NALF1: variants seen among roughly 807,000 people sequenced by gnomAD.
NALF1 encodes the protein family with sequence similarity 155 member A.
NALF1 carries 3 observed loss-of-function variants against 48.4 expected under a neutral mutation model. That is an observed-to-expected ratio of 0.06 (90% confidence interval 0.03 to 0.16). The LOEUF (loss-of-function observed/expected upper bound fraction) is 0.16, where lower values mean the gene tolerates loss of function less well. Ranked by LOEUF, NALF1 falls within the 10% of genes least tolerant of loss-of-function variation. NALF1 has a pLI of 1.00. For synonymous variants in NALF1, 262 were observed against 245.7 expected (o/e 1.07, Z -0.62); for missense variants, 526 against 571.5 (o/e 0.92, Z 0.81).
chr13:107,693,679 T>C (rs74112565), intron 1 of NALF1, among the ~76,000 whole-genome samples: 2,199 of 152,126 alleles, frequency 0.014, 57 homozygotes, highest in African/African-American at 0.051. Context: ...GCTTATTTAG[T>C]ACTTTCTACT....
At chr13:107,187,795 T>C (rs531777326) in intron 2 of NALF1, among the ~76,000 whole-genome samples, 1 of 152,338 alleles carries the variant, frequency 6.6e-6, no homozygotes, top group African/African-American at 2.4e-5. Flanking sequence ...CTGCTCTTTT[T>C]AGAGCTTACT....
intron 1 of NALF1, among the ~76,000 whole-genome samples, chr13:107,633,134 T>C (rs1349476918): frequency 1.3e-5 from 2 of 152,088 alleles, no homozygotes; most frequent in Non-Finnish European, 2.9e-5. Flanking sequence ...CTGAAGAGCG[T>C]ATTCAGATGA....
chr13:107,285,103 T>G (rs1881467884), intron 1 of NALF1, among the ~76,000 whole-genome samples: 1 of 152,212 alleles, frequency 6.6e-6, no homozygotes, highest in Non-Finnish European at 1.5e-5. Flanking sequence ...ATTATATGTC[T>G]ATGTGTACTT....
At chr13:107,639,526 C>T (rs1418288736) in intron 1 of NALF1, among the ~76,000 whole-genome samples, 2 of 151,114 alleles carry the variant, frequency 1.3e-5, no homozygotes, top group African/African-American at 4.8e-5. Flanking sequence ...AAACACTTCC[C>T]TAACTACCCT....
At chr13:107,513,514 T>C (rs1451630009) in intron 1 of NALF1, among the ~76,000 whole-genome samples, 1 of 152,074 alleles carries the variant, frequency 6.6e-6, no homozygotes, top group Non-Finnish European at 1.5e-5. Flanking sequence ...TTTTTTCTGT[T>C]ATCTGAGCTA....
chr13:107,538,303 T>A (rs1326606116), intron 1 of NALF1, among the ~76,000 whole-genome samples: 5 of 152,200 alleles, frequency 3.3e-5, no homozygotes, highest in Admixed American at 3.3e-4. Context: ...ACCTTCTCTG[T>A]AAGTCTTTCA....
At chr13:107,225,329 GT>G (rs1429909437) in intron 1 of NALF1, among the ~76,000 whole-genome samples, 1 of 151,804 alleles carries the variant, frequency 6.6e-6, no homozygotes, top group Non-Finnish European at 1.5e-5. Flanking sequence ...TTTATTTTTT[GT>G]TTTTGTTATT....
At chr13:107,612,437 G>A (rs1879257091) in intron 1 of NALF1, among the ~76,000 whole-genome samples, 1 of 152,000 alleles carries the variant, frequency 6.6e-6, no homozygotes, top group South Asian at 2.1e-4. Context: ...GGCTTGCCTG[G>A]GCCATGGATT....
At chr13:107,603,573 T>C (rs895899451) in intron 1 of NALF1, among the ~76,000 whole-genome samples, 16 of 152,186 alleles carry the variant, frequency 1.1e-4, no homozygotes, top group Non-Finnish European at 1.9e-4. Context: ...TCATATAAAA[T>C]GTACACTCCT....
intron 1 of NALF1, among the ~76,000 whole-genome samples, chr13:107,835,714 G>A (rs899138490): frequency 6.6e-6 from 1 of 152,142 alleles, no homozygotes; most frequent in Non-Finnish European, 1.5e-5. Flanking sequence ...ATAGTGACAG[G>A]AAATGTGTGA....
intron 1 of NALF1, among the ~76,000 whole-genome samples, chr13:107,438,219 T>A (rs1386101589): frequency 6.6e-6 from 1 of 152,178 alleles, no homozygotes; most frequent in Non-Finnish European, 1.5e-5. Flanking sequence ...GAAAGAAAAT[T>A]CATCTTTGAG....
chr13:107,383,231 T>C (rs981507027), intron 1 of NALF1, among the ~76,000 whole-genome samples: 5 of 152,266 alleles, frequency 3.3e-5, no homozygotes, highest in Non-Finnish European at 7.3e-5. Flanking sequence ...TGATTATTGT[T>C]ATCTAATACA....
intron 1 of NALF1, among the ~76,000 whole-genome samples, chr13:107,419,816 G>A (rs557548001): frequency 5.9e-5 from 9 of 152,294 alleles, no homozygotes; most frequent in African/African-American, 1.9e-4. Flanking sequence ...CTCTGACAGT[G>A]CAAAATAGTT....
intron 1 of NALF1, among the ~76,000 whole-genome samples, chr13:107,540,244 T>A (rs1876962835): frequency 6.6e-6 from 1 of 152,064 alleles, no homozygotes; most frequent in African/African-American, 2.4e-5. Flanking sequence ...GGAATGTTTG[T>A]CAAGCTCTAG....
chr13:107,621,517 A>G (rs560131624), intron 1 of NALF1, among the ~76,000 whole-genome samples: 19 of 152,352 alleles, frequency 1.2e-4, no homozygotes, highest in Admixed American at 1.2e-3. Flanking sequence ...ACCATGTTTC[A>G]TAAGTCTGCT....
intron 1 of NALF1, among the ~76,000 whole-genome samples, chr13:107,803,286 C>T (rs1009661744): frequency 6.6e-6 from 1 of 152,056 alleles, no homozygotes; most frequent in African/African-American, 2.4e-5. Context: ...AGGGCAATTA[C>T]AAAAATTTAA....
At chr13:107,661,578 C>T (rs552180363) in intron 1 of NALF1, among the ~76,000 whole-genome samples, 4 of 152,200 alleles carry the variant, frequency 2.6e-5, no homozygotes, top group South Asian at 2.1e-4. Context: ...TAAAAGCACT[C>T]GGCATAATAC....
intron 1 of NALF1, among the ~76,000 whole-genome samples, chr13:107,680,487 T>A (rs563341963): frequency 5.9e-5 from 9 of 152,008 alleles, no homozygotes; most frequent in Admixed American, 5.9e-4. Context: ...AGTGTGTGTA[T>A]GAGGATGGGC....
At chr13:107,193,735 C>T (rs1008818911) in intron 2 of NALF1, among the ~76,000 whole-genome samples, 3 of 152,116 alleles carry the variant, frequency 2.0e-5, no homozygotes, top group African/African-American at 7.2e-5. Context: ...GACTCTAGCG[C>T]CACGTGTCTA....
Sources: allele counts gnomAD v4.1 joint callset (sites outside exome capture counted in the v4.1 genomes callset), GRCh38; gene constraint gnomAD v4.1.1; transcripts MANE v1.5; gene names NCBI Gene and HGNC (gene_info 2026-07-23, HGNC 2026-07-21).